Variants in NFIA observed in about 807,000 individuals in gnomAD.
The protein encoded by NFIA is nuclear factor 1 A-type.
NFIA carries 8 observed loss-of-function variants against 62.8 expected under a neutral mutation model. The ratio of observed to expected loss-of-function variants is 0.13; its 90% CI spans 0.07 to 0.23. The LOEUF (loss-of-function observed/expected upper bound fraction) is 0.23. NFIA is among the 10% of genes least tolerant of loss of function. The pLI, the probability that NFIA is intolerant of heterozygous loss-of-function variation, is 1.00. For missense variants in NFIA, 410 were observed against 642.1 expected (o/e 0.64, Z 3.91); for synonymous variants, 235 against 238.1 (o/e 0.99, Z 0.12).
intron 2 of NFIA, among the ~76,000 whole-genome samples, chr1:61,211,242 T>G (rs1379974839): frequency 6.6e-6 from 1 of 152,212 alleles, no homozygotes; most frequent in Non-Finnish European, 1.5e-5. Flanking sequence ...CAGTTTTTAT[T>G]GGGAAAATTA....
At chr1:61,275,683 T>G (rs556438799) in intron 2 of NFIA, among the ~76,000 whole-genome samples, 4 of 152,294 alleles carry the variant, frequency 2.6e-5, no homozygotes, top group Non-Finnish European at 5.9e-5. Flanking sequence ...TTAGATATTT[T>G]GCTTTCATTT....
At chr1:61,325,711 G>A (rs1660896505) in intron 3 of NFIA, among the ~76,000 whole-genome samples, 1 of 152,002 alleles carries the variant, frequency 6.6e-6, no homozygotes, top group Non-Finnish European at 1.5e-5. Context: ...GAGGTCAGGA[G>A]ATCGAGACCA....
intron 9 of NFIA, among the ~76,000 whole-genome samples, chr1:61,416,478 G>T (rs1264464145): frequency 6.6e-6 from 1 of 152,012 alleles, no homozygotes; most frequent in African/African-American, 2.4e-5. Context: ...AGAGAGCATG[G>T]GGTTCAGTGT....
intron 3 of NFIA, among the ~76,000 whole-genome samples, chr1:61,319,928 A>T (rs1660588582): frequency 6.6e-6 from 1 of 151,978 alleles, no homozygotes; most frequent in South Asian, 2.1e-4. Context: ...AGTCTTTTAT[A>T]CCAGGCCTCA....
intron 2 of NFIA, among the ~76,000 whole-genome samples, chr1:61,140,754 C>G (rs1048834614): frequency 6.6e-6 from 1 of 151,960 alleles, no homozygotes; most frequent in African/African-American, 2.4e-5. Context: ...GACGAAAATC[C>G]CTATTTTCTG....
chr1:61,213,716 C>T (rs1653410907), intron 2 of NFIA, among the ~76,000 whole-genome samples: 1 of 152,138 alleles, frequency 6.6e-6, no homozygotes, highest in African/African-American at 2.4e-5. Flanking sequence ...TAAAAATCTG[C>T]TTTTCTCCCT....
At chr1:61,210,408 C>T (rs1653176623) in intron 2 of NFIA, among the ~76,000 whole-genome samples, 2 of 152,034 alleles carry the variant, frequency 1.3e-5, no homozygotes, top group African/African-American at 2.4e-5. Flanking sequence ...ACTTTTTTCC[C>T]CCAGAACATT....
intron 2 of NFIA, among the ~76,000 whole-genome samples, chr1:61,218,855 G>T (rs558572014): frequency 2.6e-5 from 4 of 152,178 alleles, no homozygotes; most frequent in Admixed American, 2.6e-4. Flanking sequence ...AAACATGACT[G>T]TGTACTTATA....
intron 2 of NFIA, among the ~76,000 whole-genome samples, chr1:61,136,821 A>T (rs555331489): frequency 6.6e-6 from 1 of 152,122 alleles, no homozygotes; most frequent in African/African-American, 2.4e-5. Context: ...TTTTCGGTGC[A>T]CATTACTTCA....
At chr1:61,303,105 A>G (rs550820940) in intron 3 of NFIA, among the ~76,000 whole-genome samples, 2 of 152,314 alleles carry the variant, frequency 1.3e-5, no homozygotes, top group East Asian at 1.9e-4. Context: ...TGATCTGTGC[A>G]CTGTGTCTGC....
chr1:61,206,357 T>C (rs1256572099), intron 2 of NFIA, among the ~76,000 whole-genome samples: 4 of 152,186 alleles, frequency 2.6e-5, no homozygotes, highest in Non-Finnish European at 4.4e-5. Context: ...TGCAACACTT[T>C]TACTGTTTGG....
intron 2 of NFIA, among the ~76,000 whole-genome samples, chr1:61,194,601 T>C (rs1651868446): frequency 6.6e-6 from 1 of 152,196 alleles, no homozygotes; most frequent in Non-Finnish European, 1.5e-5. Context: ...GCAAGGTAGA[T>C]ATTAGGTTAT....
intron 2 of NFIA, among the ~76,000 whole-genome samples, chr1:61,183,700 G>A (rs559805797): frequency 3.9e-5 from 6 of 152,328 alleles, no homozygotes; most frequent in African/African-American, 1.4e-4. Flanking sequence ...ACTTTAGCCA[G>A]AGGCAAATAT....
At chr1:61,212,697 A>G (rs1327183013) in intron 2 of NFIA, among the ~76,000 whole-genome samples, 1 of 152,212 alleles carries the variant, frequency 6.6e-6, no homozygotes, top group Non-Finnish European at 1.5e-5. Flanking sequence ...TTTACTATTC[A>G]GTATAGTTGG....
intron 2 of NFIA, among the ~76,000 whole-genome samples, chr1:61,230,764 T>C (rs1487525710): frequency 1.3e-5 from 2 of 152,238 alleles, no homozygotes; most frequent in Non-Finnish European, 2.9e-5. Context: ...CTCTGTGTTC[T>C]AGCTGGGTTG....
intron 3 of NFIA, among the ~76,000 whole-genome samples, chr1:61,322,761 A>G (rs1311966766): frequency 1.3e-5 from 2 of 152,214 alleles, no homozygotes; most frequent in African/African-American, 4.8e-5. Context: ...CATGAATTTT[A>G]TATAAATACA....
chr1:61,224,663 G>A (rs1654218400), intron 2 of NFIA, among the ~76,000 whole-genome samples: 1 of 152,118 alleles, frequency 6.6e-6, no homozygotes, highest in Non-Finnish European at 1.5e-5. Flanking sequence ...CAAGTGCCTG[G>A]TGGTGGGGGA....
At chr1:61,400,058 A>G (rs913283505) in intron 7 of NFIA, among the ~76,000 whole-genome samples, 3 of 152,254 alleles carry the variant, frequency 2.0e-5, no homozygotes, top group Admixed American at 6.5e-5. Context: ...ATTTTTAAGA[A>G]CTGGTGGGCT....
intron 2 of NFIA, among the ~76,000 whole-genome samples, chr1:61,263,562 T>C (rs1283395680): frequency 6.6e-6 from 1 of 152,188 alleles, no homozygotes; most frequent in Non-Finnish European, 1.5e-5. Flanking sequence ...AAGTAATTTT[T>C]GTTGAATATA....
Sources: gnomAD v4.1 joint callset for allele counts (sites outside exome capture counted in the v4.1 genomes callset) on GRCh38, gnomAD v4.1.1 for gene constraint, MANE v1.5 for transcripts, NCBI Gene and HGNC (gene_info 2026-07-23, HGNC 2026-07-21) for gene names.